SCYL2: variants seen among roughly 807,000 people sequenced by gnomAD.
SCYL2 encodes SCY1-like protein 2.
In SCYL2, 36 loss-of-function variants were observed where a neutral mutation model predicts 100.4. The ratio of observed to expected loss-of-function variants is 0.36; its 90% CI spans 0.27 to 0.47. The LOEUF (loss-of-function observed/expected upper bound fraction) is 0.47, where lower values mean the gene tolerates loss of function less well. SCYL2 is among the 20% of genes least tolerant of loss of function. SCYL2 has a pLI of 1.00. For missense variants in SCYL2, 902 were observed against 1,083.9 expected (o/e 0.83, Z 2.36); for synonymous variants, 330 against 359.2 (o/e 0.92, Z 0.92).
At chr12:100,318,329 C>CTTTTTTTTTTTTTTT (rs1052095844) in intron 10 of SCYL2, among the ~76,000 whole-genome samples, 5 of 130,972 alleles carry the variant, frequency 3.8e-5, no homozygotes, top group Non-Finnish European at 4.9e-5. Flanking sequence ...TCTTTTCTTT[C>CTTTTTTTTTTTTTTT]TTTTTTTTTT....
chr12:100,309,371 C>T (rs1045595779), intron 4 of SCYL2, among the ~76,000 whole-genome samples: 1 of 152,156 alleles, frequency 6.6e-6, no homozygotes, highest in African/African-American at 2.4e-5. Flanking sequence ...AACAGTATCT[C>T]CTTATTCCTC....
At chr12:100,322,750 C>T (rs181872995) in intron 10 of SCYL2, among the ~76,000 whole-genome samples, 63 of 151,672 alleles carry the variant, frequency 4.2e-4, no homozygotes, top group East Asian at 1.9e-3. Flanking sequence ...ATCCCAACTA[C>T]TGGATAGGCT....
chr12:100,310,979 TGAGACA>T, intron 4 of SCYL2, 59 bp from the exon 5 acceptor site: 1 of 1,359,252 alleles, frequency 7.4e-7, no homozygotes. Context: ...ATTATTTTTG[TGAGACA>T]TTTTATTATA....
chr12:100,326,640 G>C lies in SCYL2; in HGVS notation c.1528G>C (p.Val510Leu). Residue 510 changes from valine to leucine, a missense_variant, in exon 12 of 18, where the codon GTG (valine) becomes CTG (leucine). Physicochemically the swap from Val to Leu is conservative, Grantham distance 32. Transcript: ENST00000360820. The part of the protein sequence containing the change: ...SSLAVRVNSL[V>L]CLGKILEYLD... The stretch of plus-strand genomic sequence containing the variant: ...TTAATAGGTTCGTGTAAATTCATTA[G>C]TGTGCTTAGGAAAGATTTTGGAATA... The C allele has an allele frequency of 1.3e-6, 2 of 1,599,826 alleles. No individual in the cohort carries two copies. Among genetic ancestry groups the C allele is most frequent in the East Asian group, 4.5e-5 (2 of 44,382 alleles).
intron 10 of SCYL2, chr12:100,319,334 A>T (rs907499724): frequency 6.7e-6 from 3 of 450,426 alleles, no homozygotes; most frequent in Non-Finnish European, 8.9e-6. Context: ...ATTGTGAATT[A>T]TAGCCTCACA....
chr12:100,321,909 G>T (rs1181596462), intron 10 of SCYL2, among the ~76,000 whole-genome samples: 1 of 151,894 alleles, frequency 6.6e-6, no homozygotes, highest in Non-Finnish European at 1.5e-5. Context: ...AATTAACCAG[G>T]CATGGCAGTG....
In SCYL2 at chr12:100,313,495, A is replaced by G. The variant is rs1178215124; in HGVS notation, c.926A>G (p.Asn309Ser). The G allele has an allele frequency of 4.3e-6, 7 of 1,610,206 alleles. No homozygotes were observed. The highest frequency in any genetic ancestry group is 1.3e-5 in the African/African-American group (1 of 74,798). The part of the protein sequence containing the change: ...EVREHVKLLL[N>S]VTPTVRPDAD... ...CGTGAACATGTAAAGCTACTGTTAA[A>G]TGTAACTCCGACTGTAAGACCAGAT... Residue 309 changes from asparagine to serine, a missense_variant, in exon 7 of 18, where the codon AAT (asparagine) becomes AGT (serine). Coordinates refer to ENST00000360820, the MANE Select transcript of SCYL2 (RefSeq NM_017988.6).
At position 100,335,883 on chromosome 12, in the gene SCYL2, G is replaced by A. The variant is rs765036865; in HGVS notation, c.2002G>A (p.Gly668Arg). The A allele has an allele frequency of 3.2e-5, 52 of 1,612,538 alleles. No homozygotes were observed. Among genetic ancestry groups the A allele is most frequent in the Admixed American group, 5.0e-5 (3 of 59,960 alleles). The change falls in exon 16 of 18, where the codon GGG becomes AGG. Residue 668 changes from glycine to arginine, a missense_variant. By Grantham distance (125) the Gly-to-Arg change is moderately radical. Transcript: ENST00000360820. Reference protein sequence around the residue: ...TGSESENKEDGLQNKHKRASL... With the variant: ...TGSESENKEDRLQNKHKRASL... ...CAGTGAGTCCGAAAATAAAGAGGAC[G>A]GGTTACAGAATAAACATAAAAGAGT...
Sources: gnomAD v4.1 joint callset for allele counts (sites outside exome capture counted in the v4.1 genomes callset) on GRCh38, gnomAD v4.1.1 for gene constraint, MANE v1.5 for transcripts, NCBI Gene and HGNC (gene_info 2026-07-23, HGNC 2026-07-21) for gene names.